Variants in SH2D3C observed in about 807,000 individuals in gnomAD.
SH2D3C encodes the protein SH2 domain-containing protein 3C.
A neutral mutation model predicts 75.2 loss-of-function variants in SH2D3C; 25 were observed. That is an observed-to-expected ratio of 0.33 (90% CI 0.24 to 0.46). SH2D3C has a LOEUF of 0.46. SH2D3C is among the 20% of genes least tolerant of loss of function. The probability of loss-of-function intolerance (pLI) is 1.00; values close to 1 mark genes in which losing one functional copy is unlikely to be tolerated. For synonymous variants in SH2D3C, 450 were observed against 473.7 expected, an observed-to-expected ratio of 0.95 and a Z score of 0.65; for missense variants, 933 against 1,165.3, an observed-to-expected ratio of 0.80 and a Z score of 2.90.
At chr9:127,750,448 C>T (rs1845169138) in intron 4 of SH2D3C, among the ~76,000 whole-genome samples, 1 of 152,190 alleles carries the variant, frequency 6.6e-6, no homozygotes, top group South Asian at 2.1e-4. Flanking sequence ...AGCCATCGCA[C>T]CTGGCCCCAC....
intron 2 of SH2D3C, chr9:127,767,387 A>G: frequency 7.7e-7 from 1 of 1,296,798 alleles, no homozygotes; most frequent in South Asian, 1.6e-5. Flanking sequence ...AACTTGACCC[A>G]GGGCATGCAG....
intron 9 of SH2D3C, among the ~76,000 whole-genome samples, chr9:127,740,956 C>T (rs574560904): frequency 6.6e-6 from 1 of 152,350 alleles, no homozygotes; most frequent in African/African-American, 2.4e-5. Flanking sequence ...GCTGGGATTA[C>T]AGGCGTGAGC....
At chr9:127,755,253 C>G (rs1845343755) in intron 3 of SH2D3C, 1 of 984,876 alleles carries the variant, frequency 1.0e-6, no homozygotes, top group Non-Finnish European at 1.2e-6. Flanking sequence ...ACCGGCTGCG[C>G]GTGCCTCTCA....
chr9:127,745,203 G>T, intron 6 of SH2D3C, 104 bp from the exon 7 acceptor site: 1 of 964,466 alleles, frequency 1.0e-6, no homozygotes, highest in Non-Finnish European at 1.4e-6. Context: ...CTTGTAGGGA[G>T]TACAGAGGTG....
chr9:127,742,259 G>A (rs1026907295), intron 8 of SH2D3C, among the ~76,000 whole-genome samples: 3 of 152,078 alleles, frequency 2.0e-5, no homozygotes, highest in African/African-American at 7.2e-5. Flanking sequence ...TTTTTGAGAC[G>A]GAGTCTCGCT....
chr9:127,774,467 T>G lies in SH2D3C; in HGVS notation c.38A>C (p.Lys13Thr). The change falls in exon 2 of 12, where the codon AAG becomes ACG. Residue 13 changes from lysine to threonine, a missense_variant and splice_region_variant. Transcript: ENST00000314830. The surrounding 1 kb of genome is among the most constrained non-coding windows in gnomAD (Gnocchi z 4.3). ...EGTKKTSKKFKFFKFKGFGSL... is the reference protein window; with the variant it reads ...EGTKKTSKKFTFFKFKGFGSL... ...CCCAAAGCCCTTGAACTTGAAGAAC[T>G]CTAGCAGAGGGGAAGGGAAGGAAAA... 7.0e-7 allele frequency: 1 copy of G among 1,420,542 alleles called. No individual in the cohort carries two copies. Among genetic ancestry groups the G allele is most frequent in the Non-Finnish European group, 1.0e-6 (1 of 1,004,710 alleles). The allele number at this position is 1,420,542 out of a possible 1,614,324, so 88.0% of individuals were successfully genotyped here. A position where few individuals can be genotyped will look rare whatever the true frequency, so the allele number is the denominator to read the frequency against.
chr9:127,755,204 G>T, intron 3 of SH2D3C: 1 of 1,201,462 alleles, frequency 8.3e-7, no homozygotes, highest in Non-Finnish European at 1.0e-6. Context: ...GGGGGGCGGT[G>T]GCCGGCGGGG....
intron 3 of SH2D3C, among the ~76,000 whole-genome samples, chr9:127,757,389 G>T: frequency 6.7e-6 from 1 of 149,854 alleles, no homozygotes; most frequent in East Asian, 2.0e-4. Context: ...TCTTGCCTCA[G>T]CCTCCCGAGT....
chr9:127,742,736 C>T, intron 8 of SH2D3C, 113 bp downstream of exon 8: 2 of 709,014 alleles, frequency 2.8e-6, no homozygotes, highest in African/African-American at 3.6e-5. Context: ...GAGGCGTGGC[C>T]AGAGCCCCCT....
chr9:127,758,982 G>C (rs1261158608), intron 3 of SH2D3C, among the ~76,000 whole-genome samples: 2 of 152,204 alleles, frequency 1.3e-5, no homozygotes, highest in Admixed American at 1.3e-4. Context: ...CCTGCAGTGA[G>C]GAGCTAGGCC....
intron 2 of SH2D3C, 29 bp from the exon 3 acceptor site, chr9:127,761,679 C>G: frequency 6.2e-7 from 1 of 1,602,716 alleles, no homozygotes; most frequent in Non-Finnish European, 8.5e-7. Flanking sequence ...AGTGAGCATC[C>G]CCAGCCCTGC....
chr9:127,740,244 C>A lies in SH2D3C; in HGVS notation c.2200+14G>T, dbSNP rs1013072687. ...GGGCTGCAGCCTGTCCAAGGTCACGCAACAAGGAAGTACCTTTGCCCTCGT... is the reference window on the plus strand; with the variant it reads ...GGGCTGCAGCCTGTCCAAGGTCACGAAACAAGGAAGTACCTTTGCCCTCGT... On this transcript the variant is annotated intron_variant, in intron 10 of 11. Coordinates refer to ENST00000314830, the MANE Select transcript of SH2D3C (RefSeq NM_170600.3). The A allele has an allele frequency of 2.5e-6, 4 of 1,609,350 alleles. No homozygotes were observed. The African/African-American group carries it at 5.3e-5, about 22-fold the overall frequency.
chr9:127,749,990 T>C lies in SH2D3C; in HGVS notation c.685-325A>G, dbSNP rs1228167978. 1.3e-5 allele frequency among the ~76,000 whole-genome samples: 2 copies of C among 152,086 alleles called. No homozygotes were observed. Among genetic ancestry groups the C allele is most frequent in the Admixed American group, 1.3e-4 (2 of 15,278 alleles). The stretch of plus-strand genomic sequence containing the variant: ...ACCTGAGACCCAGGTCTCAGACCCA[T>C]CCCTTCTCAGGGTTCCGGTTGGGCA... On this transcript the variant is annotated intron_variant, in intron 4 of 11. Coordinates refer to ENST00000314830, the MANE Select transcript of SH2D3C (RefSeq NM_170600.3). The surrounding 1 kb of genome is among the most constrained non-coding windows in gnomAD (Gnocchi z 5.9).
chr9:127,771,481 A>C, intron 2 of SH2D3C: 2 of 842,698 alleles, frequency 2.4e-6, no homozygotes, highest in Non-Finnish European at 3.3e-6. Context: ...CCCCCTCCCC[A>C]TCAGTCAGTG....
intron 1 of SH2D3C, among the ~76,000 whole-genome samples, chr9:127,775,932 G>A (rs898112353): frequency 7.9e-5 from 12 of 151,760 alleles, no homozygotes; most frequent in Admixed American, 6.6e-4. Context: ...GGGTTCAAGC[G>A]ATTCTCCTGC....
rs916747837 is a variant in SH2D3C at position 127,749,828 on chromosome 9, C to T, written c.685-163G>A. On this transcript the variant is annotated intron_variant, in intron 4 of 11. Transcript: ENST00000314830. This position sits in a 1 kb window ranked among gnomAD's most constrained non-coding sequence, Gnocchi z 5.9. ...CATCTGACATCTGAGAGCGGGGATGCAATGACCCAGGTTCACAGGGGGCAC... is the reference window on the plus strand; with the variant it reads ...CATCTGACATCTGAGAGCGGGGATGTAATGACCCAGGTTCACAGGGGGCAC... 6.6e-6 allele frequency among the ~76,000 whole-genome samples: 1 copy of T among 152,096 alleles called. No individual in the cohort carries two copies. The highest frequency in any genetic ancestry group is 1.5e-5 in the Non-Finnish European group (1 of 68,004).
chr9:127,763,630 TAAGA>T (rs1845578823), intron 2 of SH2D3C, among the ~76,000 whole-genome samples: 1 of 152,184 alleles, frequency 6.6e-6, no homozygotes, highest in African/African-American at 2.4e-5. Context: ...GTTCTCTGGT[TAAGA>T]AAGGCCTCAG....
chr9:127,745,613 A>C (rs1845009180), intron 6 of SH2D3C, among the ~76,000 whole-genome samples: 1 of 151,532 alleles, frequency 6.6e-6, no homozygotes, highest in South Asian at 2.1e-4. Context: ...CTGGGATTAC[A>C]GTCATGTGCC....
At chr9:127,752,963 G>A (rs937309205) in intron 3 of SH2D3C, among the ~76,000 whole-genome samples, 7 of 152,152 alleles carry the variant, frequency 4.6e-5, no homozygotes, top group Non-Finnish European at 1.0e-4. Flanking sequence ...AAAGCACCAG[G>A]GTGGAGAGGG....
Sources: gnomAD v4.1 joint callset for allele counts (sites outside exome capture counted in the v4.1 genomes callset) on GRCh38, gnomAD v4.1.1 for gene constraint, Gnocchi (gnomAD v3.1) non-coding constraint, MANE v1.5 for transcripts, NCBI Gene and HGNC (gene_info 2026-07-23, HGNC 2026-07-21) for gene names.